The following KITLG variants were observed in gnomAD, a reference collection of about 807,000 sequenced individuals.
KITLG encodes the protein KIT ligand.
Under a neutral mutation model 34.1 loss-of-function variants are expected in KITLG, and 13 were observed. That is an observed-to-expected ratio of 0.38 (90% CI 0.25 to 0.61). The LOEUF (loss-of-function observed/expected upper bound fraction) is 0.61, where lower values mean the gene tolerates loss of function less well. Ranked by LOEUF, KITLG falls within the 20% of genes least tolerant of loss-of-function variation. The pLI is 0.60. For synonymous variants in KITLG, 110 were observed against 104.0 expected, an observed-to-expected ratio of 1.06 and a Z score of -0.35; for missense variants, 292 against 318.9, an observed-to-expected ratio of 0.92 and a Z score of 0.64.
rs1385539159 is a variant in KITLG, at chr12:88,494,129, G to A, written c.*3090C>T. 1 of 151,870 alleles carries A rather than the reference G, an allele frequency of 6.6e-6. No individual in the cohort carries two copies. Among genetic ancestry groups the A allele is most frequent in the Non-Finnish European group, 1.5e-5 (1 of 67,836 alleles). 9.4% of individuals were successfully genotyped at this position (151,870 alleles called of 1,614,324 possible). A position where few individuals can be genotyped will look rare whatever the true frequency, so the allele number is the denominator to read the frequency against. On this transcript the variant is annotated 3_prime_UTR_variant, in exon 10 of 10. Coordinates refer to ENST00000644744, the MANE Select transcript of KITLG (RefSeq NM_000899.5). Reference sequence around the variant, plus strand: ...AAATAAAAAATTGAGACCCAAAGAAGAGAGGTGATTTACCATATCAGTTAA... The same window carrying A: ...AAATAAAAAATTGAGACCCAAAGAAAAGAGGTGATTTACCATATCAGTTAA...
At chr12:88,547,625 G>A (rs1039030543) in intron 1 of KITLG, among the ~76,000 whole-genome samples, 3 of 152,066 alleles carry the variant, frequency 2.0e-5, no homozygotes, top group African/African-American at 4.8e-5. Context: ...TTGCTAAGAC[G>A]TAACCTCCCT....
intron 3 of KITLG, among the ~76,000 whole-genome samples, chr12:88,527,871 C>T (rs1276088487): frequency 6.6e-6 from 1 of 152,138 alleles, no homozygotes; most frequent in Non-Finnish European, 1.5e-5. Context: ...AAGAGAAACA[C>T]TTTTCTTAAA....
chr12:88,496,086 G>C lies in KITLG; in HGVS notation c.*1133C>G, dbSNP rs1868630651. The C allele has an allele frequency of 6.6e-6, 1 of 152,050 alleles. No homozygotes were observed. The highest frequency in any genetic ancestry group is 6.6e-5 in the Admixed American group (1 of 15,250). 9.4% of individuals were successfully genotyped at this position (152,050 alleles called of 1,614,324 possible). On this transcript the variant is annotated 3_prime_UTR_variant, in exon 10 of 10. Coordinates refer to ENST00000644744, the MANE Select transcript of KITLG (RefSeq NM_000899.5). ...TAATTCATAAACCTTAATGAATATA[G>C]AGTGCCCGATTTTAACTAAATGGAT... is the stretch of plus-strand genomic sequence containing the variant.
At chr12:88,552,551 G>A (rs2120930686) in intron 1 of KITLG, among the ~76,000 whole-genome samples, 1 of 152,040 alleles carries the variant, frequency 6.6e-6, no homozygotes, top group South Asian at 2.1e-4. Context: ...CAGCTCAATT[G>A]AAATACTTTT....
At chr12:88,544,511 T>TG (rs567219798) in intron 2 of KITLG, among the ~76,000 whole-genome samples, 17 of 147,038 alleles carry the variant, frequency 1.2e-4, no homozygotes, top group South Asian at 8.6e-4. Flanking sequence ...AGTATGTTTT[T>TG]AAAAAAAAAA....
chr12:88,573,671 A>G (rs1376842243), intron 1 of KITLG, among the ~76,000 whole-genome samples: 2 of 152,190 alleles, frequency 1.3e-5, no homozygotes, highest in Non-Finnish European at 2.9e-5. Flanking sequence ...GCAACACAGT[A>G]TGGGCATACA....
At chr12:88,552,677 A>G (rs1199698726) in intron 1 of KITLG, among the ~76,000 whole-genome samples, 1 of 152,162 alleles carries the variant, frequency 6.6e-6, no homozygotes, top group East Asian at 1.9e-4. Flanking sequence ...TAAGCAGAGC[A>G]GCTCAGCTTT....
At chr12:88,546,667 T>G (rs1400800846) in intron 1 of KITLG, among the ~76,000 whole-genome samples, 1 of 152,196 alleles carries the variant, frequency 6.6e-6, no homozygotes, top group Non-Finnish European at 1.5e-5. Context: ...CACAGTGTCT[T>G]GCATATAAAA....
chr12:88,514,541 C>A (rs1489641531), intron 6 of KITLG, among the ~76,000 whole-genome samples: 1 of 151,506 alleles, frequency 6.6e-6, no homozygotes, highest in South Asian at 2.1e-4. Context: ...CATATACTAT[C>A]CCCAGTGAAT....
intron 1 of KITLG, among the ~76,000 whole-genome samples, chr12:88,564,858 A>T (rs1003306334): frequency 6.6e-6 from 1 of 152,196 alleles, no homozygotes; most frequent in Admixed American, 6.5e-5. Flanking sequence ...TTAAAAGTAC[A>T]TGCAATATCT....
intron 1 of KITLG, among the ~76,000 whole-genome samples, chr12:88,550,590 T>A (rs1316297018): frequency 6.6e-6 from 1 of 152,212 alleles, no homozygotes; most frequent in African/African-American, 2.4e-5. Flanking sequence ...AACTTTCATA[T>A]ATCCTAATTT....
chr12:88,539,173 G>A (rs1870431639), intron 2 of KITLG, among the ~76,000 whole-genome samples: 2 of 152,180 alleles, frequency 1.3e-5, no homozygotes, highest in African/African-American at 4.8e-5. Context: ...CATGGTTCAA[G>A]GGTCACTGAG....
intron 1 of KITLG, among the ~76,000 whole-genome samples, chr12:88,556,758 A>C (rs753395365): frequency 1.3e-5 from 2 of 152,188 alleles, no homozygotes; most frequent in Non-Finnish European, 2.9e-5. Flanking sequence ...ATCATGAACT[A>C]TCTGTGTAGG....
chr12:88,509,192 G>A (rs962363503), intron 6 of KITLG, among the ~76,000 whole-genome samples: 8 of 152,150 alleles, frequency 5.3e-5, no homozygotes, highest in Non-Finnish European at 8.8e-5. Context: ...AAGCTAGGAA[G>A]ATGCTATGGA....
intron 1 of KITLG, chr12:88,579,940 A>G (rs973971474): frequency 1.9e-6 from 1 of 531,492 alleles, no homozygotes; most frequent in Non-Finnish European, 3.4e-6. Flanking sequence ...CCTTCCCGTG[A>G]TAACTTAACA....
chr12:88,523,479 G>A (rs753564724), intron 3 of KITLG, among the ~76,000 whole-genome samples: 2 of 152,194 alleles, frequency 1.3e-5, no homozygotes, highest in Non-Finnish European at 2.9e-5. Context: ...GACCAGACAC[G>A]ATTCTTCGGC....
chr12:88,506,363 G>A lies in KITLG; in HGVS notation c.730C>T (p.Leu244Phe). ...ALYWKKRQPS[L>F]TRAVENIQIN... ...TGTATATTTTCAACTGCCCTTGTAA[G>A]ACTTGGCTGTCTCTTCTGGAAAAAG... Residue 244 changes from leucine to phenylalanine, a missense_variant, in exon 8 of 10, where the codon CTT (leucine) becomes TTT (phenylalanine). Leu to Phe is a conservative substitution (Grantham distance 22). Transcript: ENST00000644744. 6.2e-7 allele frequency: 1 copy of A among 1,607,052 alleles called. No individual in the cohort carries two copies. The highest frequency in any genetic ancestry group is 1.1e-5 in the South Asian group (1 of 90,946).
At chr12:88,515,676 C>A in intron 5 of KITLG, 59 bp from the exon 6 acceptor site, 4 of 1,282,056 alleles carry the variant, frequency 3.1e-6, no homozygotes, top group Non-Finnish European at 4.5e-6. Flanking sequence ...GTTATAGAGT[C>A]CCTGAAAGGT....
intron 1 of KITLG, among the ~76,000 whole-genome samples, chr12:88,569,502 T>C (rs1871569512): frequency 6.6e-6 from 1 of 152,294 alleles, no homozygotes; most frequent in South Asian, 2.1e-4. Context: ...ATTTGTTTAA[T>C]GGTAATAGCA....
Sources: allele counts gnomAD v4.1 joint callset (sites outside exome capture counted in the v4.1 genomes callset), GRCh38; gene constraint gnomAD v4.1.1; transcripts MANE v1.5; gene names NCBI Gene and HGNC (gene_info 2026-07-23, HGNC 2026-07-21).